TNKS: variants seen among roughly 807,000 people sequenced by gnomAD.
TNKS encodes the protein tankyrase.
In TNKS, 72 loss-of-function variants were observed where a neutral mutation model predicts 135.8. The ratio of observed to expected loss-of-function variants is 0.53; its 90% confidence interval spans 0.44 to 0.64. TNKS has a LOEUF of 0.64. Among genes scored for constraint, TNKS ranks in the 30% least tolerant of loss-of-function variants. The probability of loss-of-function intolerance (pLI) is 0.00; values close to 1 mark genes in which losing one functional copy is unlikely to be tolerated. For synonymous variants in TNKS, 849 were observed against 649.3 expected (o/e 1.31, Z -4.68); for missense variants, 1,769 against 1,674.0 (o/e 1.06, Z -0.99).
At chr8:9,665,694 A>G (rs140419308) in intron 3 of TNKS, among the ~76,000 whole-genome samples, 3 of 152,276 alleles carry the variant, frequency 2.0e-5, no homozygotes, top group Non-Finnish European at 4.4e-5. Context: ...TTCAGGAGTC[A>G]CTGTTAACCT....
At chr8:9,656,611 C>CTTTTTCTT (rs547797441) in intron 3 of TNKS, among the ~76,000 whole-genome samples, 1 of 136,466 alleles carries the variant, frequency 7.3e-6, no homozygotes, top group African/African-American at 2.8e-5. Flanking sequence ...AAAGAATTTT[C>CTTTTTCTT]TTTTTTTTTT....
At chr8:9,744,110 ATATT>A (rs1806111400) in intron 17 of TNKS, among the ~76,000 whole-genome samples, 1 of 152,208 alleles carries the variant, frequency 6.6e-6, no homozygotes, top group South Asian at 2.1e-4. Flanking sequence ...AAAAAAATAC[ATATT>A]TATTTAAGAA....
chr8:9,743,122 C>A (rs1258160354), intron 17 of TNKS, among the ~76,000 whole-genome samples: 2 of 152,166 alleles, frequency 1.3e-5, no homozygotes, highest in South Asian at 4.1e-4. Context: ...ACTAGCCTGG[C>A]CACATATCAT....
At chr8:9,701,720 T>C (rs1803813423) in intron 5 of TNKS, among the ~76,000 whole-genome samples, 2 of 152,206 alleles carry the variant, frequency 1.3e-5, no homozygotes, top group South Asian at 4.1e-4. Context: ...TTCCAGGCCT[T>C]AACACAAGGA....
At chr8:9,593,172 A>G (rs1267667786) in intron 2 of TNKS, among the ~76,000 whole-genome samples, 1 of 152,194 alleles carries the variant, frequency 6.6e-6, no homozygotes, top group Non-Finnish European at 1.5e-5. Context: ...GTTGCTGTGG[A>G]TAGTTGATAC....
At chr8:9,678,005 T>G (rs1453661202) in intron 3 of TNKS, among the ~76,000 whole-genome samples, 1 of 152,188 alleles carries the variant, frequency 6.6e-6, no homozygotes, top group African/African-American at 2.4e-5. Flanking sequence ...TTCCAATCAT[T>G]AATCCCATTT....
chr8:9,628,461 C>A (rs1193771470), intron 3 of TNKS, among the ~76,000 whole-genome samples: 1 of 152,050 alleles, frequency 6.6e-6, no homozygotes, highest in Non-Finnish European at 1.5e-5. Flanking sequence ...AAATTTATTA[C>A]AACTTCCTTT....
chr8:9,757,546 G>A (rs1806905102), intron 20 of TNKS, among the ~76,000 whole-genome samples: 1 of 152,080 alleles, frequency 6.6e-6, no homozygotes, highest in Non-Finnish European at 1.5e-5. Flanking sequence ...ACCTTCTTCT[G>A]AGAACCTTTC....
chr8:9,583,930 C>T (rs1307910527), intron 2 of TNKS, among the ~76,000 whole-genome samples: 29 of 151,186 alleles, frequency 1.9e-4, no homozygotes, highest in African/African-American at 1.5e-4. Flanking sequence ...TTTGGGAGGC[C>T]GAGATGGGTG....
At chr8:9,565,781 C>T (rs972803725) in intron 1 of TNKS, among the ~76,000 whole-genome samples, 3 of 151,958 alleles carry the variant, frequency 2.0e-5, no homozygotes, top group African/African-American at 7.3e-5. Flanking sequence ...GGCGTGAACC[C>T]CGGAGGCAGA....
chr8:9,777,655 G>T lies in TNKS; in HGVS notation c.*919G>T, dbSNP rs1485535773. ...GCATTAAGGAGGGTGAGGAGCGTGT[G>T]GTTCTGTATCATGGCAGCCCCAATG... On this transcript the variant is annotated 3_prime_UTR_variant, in exon 27 of 27. Transcript: ENST00000310430. 6.6e-6 allele frequency: 1 copy of T among 152,188 alleles called. No individual in the cohort carries two copies. Among genetic ancestry groups the T allele is most frequent in the East Asian group, 1.9e-4 (1 of 5,184 alleles). 9.4% of individuals were successfully genotyped at this position (152,188 alleles called of 1,614,324 possible).
chr8:9,757,214 A>G (rs1806883169), intron 20 of TNKS, among the ~76,000 whole-genome samples: 1 of 152,072 alleles, frequency 6.6e-6, no homozygotes, highest in African/African-American at 2.4e-5. Context: ...TGACCCCGTG[A>G]TCTGCCCGCC....
intron 3 of TNKS, among the ~76,000 whole-genome samples, chr8:9,633,510 A>G (rs1332045722): frequency 6.6e-6 from 1 of 152,238 alleles, no homozygotes; most frequent in African/African-American, 2.4e-5. Flanking sequence ...AGTGATAACC[A>G]GCCTCCAAGA....
chr8:9,741,177 C>G (rs944377420), intron 17 of TNKS: 2 of 152,288 alleles, frequency 1.3e-5, no homozygotes, highest in Admixed American at 1.3e-4. Context: ...AAATTTTCAG[C>G]ACTTCTTAGC....
intron 13 of TNKS, 77 bp from the exon 14 acceptor site, chr8:9,730,813 G>A: frequency 1.3e-6 from 2 of 1,484,494 alleles, no homozygotes; most frequent in Non-Finnish European, 1.8e-6. Flanking sequence ...CCAAGATGTT[G>A]AACTATTTTG....
chr8:9,663,464 G>C (rs1346248477), intron 3 of TNKS, among the ~76,000 whole-genome samples: 1 of 152,210 alleles, frequency 6.6e-6, no homozygotes, highest in Admixed American at 6.5e-5. Flanking sequence ...AAATTTGCAA[G>C]TTTTTCCTAC....
In TNKS at chr8:9,598,765, G is replaced by GTA. The variant is rs71201956; in HGVS notation, c.899-16765_899-16764dup. Among the ~76,000 whole-genome samples, 250 of 49,434 alleles carry GTA rather than the reference G, an allele frequency of 5.1e-3. 3 individuals carry two copies. The highest frequency in any genetic ancestry group is 0.015 in the Middle Eastern group (1 of 68). The allele number at this position is 49,434 out of a possible 152,430, so 32.4% of individuals were successfully genotyped here. A position where few individuals can be genotyped will look rare whatever the true frequency, so the allele number is the denominator to read the frequency against. On this transcript the variant is annotated intron_variant, in intron 2 of 26. Transcript: ENST00000310430. ...TGTGTATATATGTATATGTGTGTGT[G>GTA]TATATATATATATATATATATATAT...
chr8:9,635,025 C>T (rs1800455376), intron 3 of TNKS, among the ~76,000 whole-genome samples: 1 of 152,118 alleles, frequency 6.6e-6, no homozygotes. Flanking sequence ...AAAATATTAG[C>T]CGGGCGCGGT....
chr8:9,719,465 A>G (rs1162342140), intron 11 of TNKS, among the ~76,000 whole-genome samples: 1 of 152,218 alleles, frequency 6.6e-6, no homozygotes, highest in Non-Finnish European at 1.5e-5. Flanking sequence ...ATAAACAAAA[A>G]TTACCCCAGT....
Sources: gnomAD v4.1 joint callset for allele counts (sites outside exome capture counted in the v4.1 genomes callset) on GRCh38, gnomAD v4.1.1 for gene constraint, MANE v1.5 for transcripts, NCBI Gene and HGNC (gene_info 2026-07-23, HGNC 2026-07-21) for gene names.